The following VAV3 variants were observed in gnomAD, a reference collection of about 807,000 sequenced individuals.
The protein encoded by VAV3 is guanine nucleotide exchange factor VAV3.
VAV3 carries 94 observed loss-of-function variants against 131.2 expected under a neutral mutation model. The observed-to-expected ratio is 0.72, with a 90% confidence interval of 0.61 to 0.85. The LOEUF is 0.85. VAV3 is among the 40% of genes least tolerant of loss of function. VAV3 has a pLI of 0.00. For missense variants in VAV3, 939 were observed against 1,002.7 expected, an observed-to-expected ratio of 0.94 and a Z score of 0.86; for synonymous variants, 349 against 342.0, an observed-to-expected ratio of 1.02 and a Z score of -0.22.
At chr1:107,623,926 A>G (rs1653795569) in intron 20 of VAV3, among the ~76,000 whole-genome samples, 1 of 152,194 alleles carries the variant, frequency 6.6e-6, no homozygotes. Flanking sequence ...GAATAAGTCT[A>G]AGAAACTCAT....
chr1:107,736,089 A>G (rs1662610292), intron 15 of VAV3, among the ~76,000 whole-genome samples: 2 of 152,228 alleles, frequency 1.3e-5, no homozygotes, highest in South Asian at 4.1e-4. Flanking sequence ...TCACATAAAC[A>G]GAATCAAAGA....
At chr1:107,870,527 T>C (rs796742698) in intron 2 of VAV3, among the ~76,000 whole-genome samples, 22 of 152,316 alleles carry the variant, frequency 1.4e-4, no homozygotes, top group African/African-American at 4.6e-4. Flanking sequence ...TTGTAGATTC[T>C]TGATATTAGT....
rs117500919 is a variant in VAV3 at position 107,668,207 on chromosome 1, C to T, written c.1777+15281G>A. 2.8e-4 allele frequency among the ~76,000 whole-genome samples: 42 copies of T among 152,274 alleles called. No individual in the cohort carries two copies. The East Asian group carries it at 7.7e-3, about 28-fold the overall frequency. ...CATCTGGCATGATCCATAATTGTAG[C>T]CAGCCTGGCTAAAAAATAAATCTTC... On this transcript the variant is annotated intron_variant, in intron 19 of 26. Coordinates refer to ENST00000370056, the MANE Select transcript of VAV3 (RefSeq NM_006113.5).
intron 4 of VAV3, among the ~76,000 whole-genome samples, chr1:107,774,166 C>T (rs1272234453): frequency 6.6e-6 from 1 of 152,022 alleles, no homozygotes; most frequent in Non-Finnish European, 1.5e-5. Context: ...TCCTGGGTTC[C>T]AGCGATTCTT....
At chr1:107,853,496 T>C (rs908317274) in intron 2 of VAV3, among the ~76,000 whole-genome samples, 33 of 152,218 alleles carry the variant, frequency 2.2e-4, no homozygotes, top group African/African-American at 7.9e-4. Context: ...AAGTTTTCCA[T>C]TTTCATAAAT....
chr1:107,738,435 C>A (rs771966605), intron 15 of VAV3, among the ~76,000 whole-genome samples: 1 of 152,154 alleles, frequency 6.6e-6, no homozygotes, highest in Non-Finnish European at 1.5e-5. Context: ...TATCACTCTA[C>A]CCCTAGTGTG....
At chr1:107,803,565 G>T (rs1245127503) in intron 2 of VAV3, among the ~76,000 whole-genome samples, 2 of 151,928 alleles carry the variant, frequency 1.3e-5, no homozygotes, top group African/African-American at 2.4e-5. Context: ...TTTCAGAGAG[G>T]TTCTTCTTGT....
intron 2 of VAV3, among the ~76,000 whole-genome samples, chr1:107,822,436 C>T (rs1273049463): frequency 1.3e-5 from 2 of 151,988 alleles, no homozygotes; most frequent in Middle Eastern, 3.4e-3. Flanking sequence ...AGGCGGATCA[C>T]GAGGTCAGGA....
intron 2 of VAV3, among the ~76,000 whole-genome samples, chr1:107,808,302 C>A (rs1036535089): frequency 2.6e-5 from 4 of 151,932 alleles, no homozygotes; most frequent in Non-Finnish European, 4.4e-5. Context: ...CATGACAGGC[C>A]TAAGAAGAAA....
chr1:107,938,031 TCA>T (rs1043557046), intron 1 of VAV3, among the ~76,000 whole-genome samples: 1 of 152,142 alleles, frequency 6.6e-6, no homozygotes, highest in Non-Finnish European at 1.5e-5. Context: ...ATGCACTCTG[TCA>T]CACAGAGCAT....
chr1:107,584,183 G>A (rs1335535878), intron 25 of VAV3, among the ~76,000 whole-genome samples: 2 of 152,186 alleles, frequency 1.3e-5, no homozygotes, highest in African/African-American at 4.8e-5. Context: ...AATAAATGGT[G>A]CTGGGAAAAC....
At chr1:107,629,072 C>G (rs563654099) in intron 20 of VAV3, among the ~76,000 whole-genome samples, 1 of 152,076 alleles carries the variant, frequency 6.6e-6, no homozygotes, top group South Asian at 2.1e-4. Flanking sequence ...TTATAATTGC[C>G]TTTTGGTTCC....
At chr1:107,751,498 C>T (rs770062369) in intron 12 of VAV3, among the ~76,000 whole-genome samples, 6 of 152,098 alleles carry the variant, frequency 3.9e-5, no homozygotes, top group South Asian at 2.1e-4. Flanking sequence ...AATTACGAGA[C>T]GGTTCGGCAA....
At chr1:107,688,248 G>T (rs1659172944) in intron 18 of VAV3, 133 bp downstream of exon 18, 7 of 1,124,762 alleles carry the variant, frequency 6.2e-6, no homozygotes, top group Non-Finnish European at 8.6e-6. Flanking sequence ...TCACTTGGTT[G>T]TTCCCTCTGT....
In VAV3 at chr1:107,710,046, A is replaced by T. The variant is rs61253571; in HGVS notation, c.1503-4985T>A. On this transcript the variant is annotated intron_variant, in intron 15 of 26. Transcript: ENST00000370056. ...TAATAATACATATGATTTTTAAAAC[A>T]TACATGCTTAAAATGAACATTTTTC... 5.4e-3 allele frequency among the ~76,000 whole-genome samples: 817 copies of T among 152,358 alleles called. 11 individuals are homozygous for T. Among genetic ancestry groups the T allele is most frequent in the African/African-American group, 0.017 (719 of 41,598 alleles).
intron 2 of VAV3, 44 bp downstream of exon 2, chr1:107,874,857 T>A (rs761869456): frequency 6.5e-7 from 1 of 1,540,674 alleles, no homozygotes; most frequent in Admixed American, 1.7e-5. Flanking sequence ...TTTGCTTAAA[T>A]GCTTTCCAGT....
At chr1:107,660,800 AG>A (rs35029715) in intron 19 of VAV3, among the ~76,000 whole-genome samples, 2 of 152,168 alleles carry the variant, frequency 1.3e-5, no homozygotes, top group Non-Finnish European at 2.9e-5. Flanking sequence ...AGAGTCTAAC[AG>A]GGAAAAGGAA....
chr1:107,594,423 G>T (rs1262161778), intron 25 of VAV3, among the ~76,000 whole-genome samples: 1 of 152,060 alleles, frequency 6.6e-6, no homozygotes, highest in Non-Finnish European at 1.5e-5. Context: ...TCAATGAATT[G>T]TTTGCTTTCC....
At chr1:107,680,859 C>T (rs1658552135) in intron 19 of VAV3, among the ~76,000 whole-genome samples, 1 of 152,146 alleles carries the variant, frequency 6.6e-6, no homozygotes, top group South Asian at 2.1e-4. Flanking sequence ...AAGGCCAGTC[C>T]CAAGCCCAGG....
Sources: allele counts gnomAD v4.1 joint callset (sites outside exome capture counted in the v4.1 genomes callset), GRCh38; gene constraint gnomAD v4.1.1; transcripts MANE v1.5; gene names NCBI Gene and HGNC (gene_info 2026-07-23, HGNC 2026-07-21).